Variants in B3GALT1 observed in about 807,000 individuals in gnomAD.
B3GALT1 encodes beta-1,3-galactosyltransferase 1.
In B3GALT1, 10 loss-of-function variants were observed where a neutral mutation model predicts 23.2. The ratio of observed to expected loss-of-function variants is 0.43; its 90% CI spans 0.27 to 0.73. The LOEUF is 0.73. Among genes scored for constraint, B3GALT1 ranks in the 30% least tolerant of loss-of-function variants. The pLI is 0.21. For synonymous variants in B3GALT1, 156 were observed against 141.5 expected, an observed-to-expected ratio of 1.10 and a Z score of -0.73; for missense variants, 299 against 405.4, an observed-to-expected ratio of 0.74 and a Z score of 2.25.
chr2:167,558,761 G>A (rs900123117), intron 2 of B3GALT1, among the ~76,000 whole-genome samples: 5 of 152,220 alleles, frequency 3.3e-5, no homozygotes, highest in Admixed American at 6.5e-5. Context: ...GGGGAGGGGC[G>A]CCCACCATTG....
intron 4 of B3GALT1, among the ~76,000 whole-genome samples, chr2:167,827,152 A>T (rs1689248002): frequency 6.6e-6 from 1 of 152,130 alleles, no homozygotes; most frequent in African/African-American, 2.4e-5. Context: ...AATGGCACAT[A>T]TTCTCTGTGC....
chr2:167,351,299 C>CCAA (rs1697304954), intron 1 of B3GALT1, among the ~76,000 whole-genome samples: 1 of 149,844 alleles, frequency 6.7e-6, no homozygotes, highest in Non-Finnish European at 1.5e-5. Context: ...ACAAAAAAAA[C>CCAA]CACACACAAA....
At chr2:167,793,195 G>T (rs1558980790) in intron 3 of B3GALT1, among the ~76,000 whole-genome samples, 1 of 152,124 alleles carries the variant, frequency 6.6e-6, no homozygotes, top group Non-Finnish European at 1.5e-5. Flanking sequence ...GCACAGGATA[G>T]TGCCCACAGT....
chr2:167,560,758 G>A (rs10186712), intron 2 of B3GALT1, among the ~76,000 whole-genome samples: 83,898 of 151,832 alleles, frequency 0.55, 27,660 homozygotes, highest in East Asian at 0.99. Flanking sequence ...AGAGCTAACT[G>A]TCCTAAATAT....
At chr2:167,444,396 C>T (rs977053349) in intron 1 of B3GALT1, among the ~76,000 whole-genome samples, 23 of 152,222 alleles carry the variant, frequency 1.5e-4, no homozygotes, top group African/African-American at 5.3e-4. Flanking sequence ...TGAGTTAGGG[C>T]AGATTCCCTT....
At chr2:167,351,987 G>A (rs1697316152) in intron 1 of B3GALT1, among the ~76,000 whole-genome samples, 1 of 142,900 alleles carries the variant, frequency 7.0e-6, no homozygotes, top group Non-Finnish European at 1.5e-5. Flanking sequence ...TTGAGTCAGA[G>A]TCTTGCTCTG....
At chr2:167,433,970 G>A (rs1383480296) in intron 1 of B3GALT1, among the ~76,000 whole-genome samples, 1 of 151,618 alleles carries the variant, frequency 6.6e-6, no homozygotes, top group Non-Finnish European at 1.5e-5. Flanking sequence ...ACATGTCAAA[G>A]CTTAAAGATA....
At chr2:167,300,869 T>G (rs1044464067) in intron 1 of B3GALT1, among the ~76,000 whole-genome samples, 1 of 152,148 alleles carries the variant, frequency 6.6e-6, no homozygotes, top group African/African-American at 2.4e-5. Flanking sequence ...AGTTAACAAC[T>G]TTAAGTTAAA....
intron 1 of B3GALT1, among the ~76,000 whole-genome samples, chr2:167,358,635 CCTTTATT>C (rs1435867606): frequency 2.1e-5 from 1 of 46,940 alleles, no homozygotes; most frequent in Non-Finnish European, 8.8e-5. Context: ...TATTAAGAAT[CCTTTATT>C]TAAGTGTGAT....
chr2:167,675,559 G>A (rs1686410255), intron 3 of B3GALT1, among the ~76,000 whole-genome samples: 1 of 152,150 alleles, frequency 6.6e-6, no homozygotes, highest in South Asian at 2.1e-4. Flanking sequence ...TACACAGGCA[G>A]ACTGATACAG....
chr2:167,666,701 G>A (rs1046016909), intron 3 of B3GALT1, among the ~76,000 whole-genome samples: 8 of 152,264 alleles, frequency 5.3e-5, no homozygotes, highest in African/African-American at 1.4e-4. Flanking sequence ...TTACCATTAT[G>A]TAATGGCCTT....
intron 3 of B3GALT1, among the ~76,000 whole-genome samples, chr2:167,782,329 G>A (rs1195668606): frequency 1.3e-5 from 2 of 152,150 alleles, no homozygotes; most frequent in African/African-American, 4.8e-5. Flanking sequence ...GGTCTGGGTG[G>A]GTGTGCAGGG....
At chr2:167,625,226 A>T (rs1431278072) in intron 2 of B3GALT1, among the ~76,000 whole-genome samples, 9 of 151,890 alleles carry the variant, frequency 5.9e-5, no homozygotes, top group Non-Finnish European at 4.4e-5. Context: ...TTTGATTTTT[A>T]AAAAAATATA....
intron 1 of B3GALT1, among the ~76,000 whole-genome samples, chr2:167,488,980 A>T (rs954741510): frequency 3.3e-4 from 51 of 152,306 alleles, no homozygotes; most frequent in Middle Eastern, 3.4e-3. Context: ...TTACAAAAAA[A>T]AAAAAATACT....
At chr2:167,537,125 C>T (rs1291527716) in intron 2 of B3GALT1, among the ~76,000 whole-genome samples, 2 of 152,050 alleles carry the variant, frequency 1.3e-5, no homozygotes, top group African/African-American at 2.4e-5. Context: ...CTGGGGAGGC[C>T]TCACAATCAT....
chr2:167,740,266 G>A (rs1490266188), intron 3 of B3GALT1, among the ~76,000 whole-genome samples: 2 of 151,960 alleles, frequency 1.3e-5, no homozygotes, highest in Non-Finnish European at 2.9e-5. Flanking sequence ...AAGGTAGATG[G>A]TACCTACCAT....
At chr2:167,835,009 T>C (rs1254576817) in intron 4 of B3GALT1, among the ~76,000 whole-genome samples, 1 of 152,152 alleles carries the variant, frequency 6.6e-6, no homozygotes, top group Non-Finnish European at 1.5e-5. Flanking sequence ...TACGCCTATG[T>C]GATAGTCATA....
chr2:167,601,780 A>G (rs1001644029), intron 2 of B3GALT1, among the ~76,000 whole-genome samples: 1 of 152,214 alleles, frequency 6.6e-6, no homozygotes, highest in Non-Finnish European at 1.5e-5. Flanking sequence ...TAGTGACACC[A>G]AATAAAATAA....
chr2:167,777,979 A>G (rs1574257882), intron 3 of B3GALT1, among the ~76,000 whole-genome samples: 2 of 152,016 alleles, frequency 1.3e-5, no homozygotes, highest in Admixed American at 6.6e-5. Flanking sequence ...TAAACATCCT[A>G]CAATGCACAG....
Sources: allele counts gnomAD v4.1 joint callset (sites outside exome capture counted in the v4.1 genomes callset), GRCh38; gene constraint gnomAD v4.1.1; transcripts MANE v1.5; gene names NCBI Gene and HGNC (gene_info 2026-07-23, HGNC 2026-07-21).